KCNJ3: variants seen among roughly 807,000 people sequenced by gnomAD.
KCNJ3 encodes potassium inwardly rectifying channel subfamily J member 3, also known as G protein-activated inward rectifier potassium channel 1.
A neutral mutation model predicts 39.2 loss-of-function variants in KCNJ3; 4 were observed. The ratio of observed to expected loss-of-function variants is 0.10; its 90% CI spans 0.05 to 0.23. The LOEUF (loss-of-function observed/expected upper bound fraction) is 0.23, where lower values mean the gene tolerates loss of function less well. KCNJ3 is among the 10% of genes least tolerant of loss of function. The probability of loss-of-function intolerance (pLI) is 1.00; values close to 1 mark genes in which losing one functional copy is unlikely to be tolerated. For missense variants in KCNJ3, 276 were observed against 634.9 expected (o/e 0.43, Z 6.08); for synonymous variants, 230 against 237.4 (o/e 0.97, Z 0.29).
At chr2:154,733,731 A>G (rs573228297) in intron 2 of KCNJ3, among the ~76,000 whole-genome samples, 1 of 152,050 alleles carries the variant, frequency 6.6e-6, no homozygotes, top group South Asian at 2.1e-4. Context: ...GTGACTATTC[A>G]CCCCCATTGC....
chr2:154,747,044 GTAGCACA>G (rs1685756978), intron 2 of KCNJ3, among the ~76,000 whole-genome samples: 1 of 151,870 alleles, frequency 6.6e-6, no homozygotes, highest in Non-Finnish European at 1.5e-5. Flanking sequence ...TGTACAACAG[GTAGCACA>G]TCTCAAACTT....
chr2:154,813,781 C>T (rs916995039), intron 2 of KCNJ3, among the ~76,000 whole-genome samples: 1 of 152,162 alleles, frequency 6.6e-6, no homozygotes, highest in African/African-American at 2.4e-5. Context: ...CCTAAGGATA[C>T]AATGTTAACA....
chr2:154,709,971 G>T, intron 2 of KCNJ3, 152 bp downstream of exon 2: 2 of 916,500 alleles, frequency 2.2e-6, no homozygotes, highest in Non-Finnish European at 3.2e-6. Context: ...ACATTAAATT[G>T]ATACCATTTT....
Position 154,855,422 on chromosome 2 carries a change from C to A in KCNJ3, c.*109C>A. ...CTGAAAGTATATTTTCCTCCCAGTT[C>A]TACAAGCATATTTGAGAACCCTTCC... On this transcript the variant is annotated 3_prime_UTR_variant, in exon 3 of 3. Coordinates refer to ENST00000295101, the MANE Select transcript of KCNJ3 (RefSeq NM_002239.4). 1 of 771,048 alleles carries A rather than the reference C, an allele frequency of 1.3e-6. No individual in the cohort carries two copies. The highest frequency in any genetic ancestry group is 2.7e-5 in the East Asian group (1 of 37,026). 47.8% of individuals were successfully genotyped at this position (771,048 alleles called of 1,614,324 possible).
intron 2 of KCNJ3, among the ~76,000 whole-genome samples, chr2:154,770,892 C>CTTTTTTCTTTTTCT (rs1686229634): frequency 7.8e-6 from 1 of 127,686 alleles, no homozygotes; most frequent in African/African-American, 2.9e-5. Context: ...TTTTCTTTTT[C>CTTTTTTCTTTTTCT]TTTTTTTTTT....
chr2:154,710,461 C>G (rs1454586073), intron 2 of KCNJ3, among the ~76,000 whole-genome samples: 4 of 152,050 alleles, frequency 2.6e-5, no homozygotes, highest in African/African-American at 4.8e-5. Context: ...TTGGTATGCC[C>G]CAAATACTAT....
At chr2:154,723,457 T>C (rs1202642008) in intron 2 of KCNJ3, among the ~76,000 whole-genome samples, 1 of 152,132 alleles carries the variant, frequency 6.6e-6, no homozygotes, top group Non-Finnish European at 1.5e-5. Flanking sequence ...ACTTTCACTT[T>C]ATGAGGCAAA....
intron 2 of KCNJ3, among the ~76,000 whole-genome samples, chr2:154,751,898 T>C (rs1685851134): frequency 6.6e-6 from 1 of 152,006 alleles, no homozygotes; most frequent in Non-Finnish European, 1.5e-5. Flanking sequence ...ACAGTCATAT[T>C]GGATTAGGGC....
intron 2 of KCNJ3, among the ~76,000 whole-genome samples, chr2:154,736,943 G>A (rs1025154700): frequency 6.6e-6 from 1 of 152,184 alleles, no homozygotes; most frequent in Non-Finnish European, 1.5e-5. Context: ...AGGAGAACTT[G>A]GAATCTGGAG....
rs368972491 is a variant in KCNJ3 at position 154,821,861 on chromosome 2, G to A, written c.920-32866G>A. Among the ~76,000 whole-genome samples the A allele has an allele frequency of 5.3e-5, 8 of 151,652 alleles. No individual in the cohort carries two copies. The East Asian group carries it at 7.8e-4, about 15-fold the overall frequency. ...TCACTATGTGGGCCCAGCTGGTCTC[G>A]AACTCCTGACCTCAGATAATCCATT... On this transcript the variant is annotated intron_variant, in intron 2 of 2. Coordinates refer to ENST00000295101, the MANE Select transcript of KCNJ3 (RefSeq NM_002239.4).
chr2:154,703,725 T>G (rs537010039), intron 1 of KCNJ3, among the ~76,000 whole-genome samples: 167 of 152,200 alleles, frequency 1.1e-3, no homozygotes, highest in African/African-American at 4.0e-3. Context: ...TATCTTGCAC[T>G]GAAATGTGAT....
chr2:154,714,377 T>A (rs1047794109), intron 2 of KCNJ3, among the ~76,000 whole-genome samples: 1 of 152,180 alleles, frequency 6.6e-6, no homozygotes, highest in Non-Finnish European at 1.5e-5. Context: ...ATTTTTCAAT[T>A]GTTCCATATA....
At chr2:154,721,292 C>T (rs970946480) in intron 2 of KCNJ3, among the ~76,000 whole-genome samples, 2 of 152,038 alleles carry the variant, frequency 1.3e-5, no homozygotes, top group African/African-American at 2.4e-5. Flanking sequence ...CTTTCTATGT[C>T]CCATGCTGTG....
intron 2 of KCNJ3, among the ~76,000 whole-genome samples, chr2:154,726,918 A>G (rs1685370014): frequency 1.3e-5 from 2 of 151,998 alleles, no homozygotes; most frequent in African/African-American, 4.8e-5. Context: ...AAACTCAGGA[A>G]TAGAAAACCA....
chr2:154,769,218 A>C (rs1686192802), intron 2 of KCNJ3, among the ~76,000 whole-genome samples: 2 of 152,230 alleles, frequency 1.3e-5, no homozygotes, highest in South Asian at 4.2e-4. Flanking sequence ...AACTTCCAAC[A>C]CTATGTTGAA....
chr2:154,765,160 T>C lies in KCNJ3; in HGVS notation c.919+55341T>C, dbSNP rs138109744. ...GTAGCATTCTCCAGAGCCCTAGTTA[T>C]GGCAACCAAAAGAAATTTGCCAAAT... On this transcript the variant is annotated intron_variant, in intron 2 of 2. Transcript: ENST00000295101. 1.9e-3 allele frequency among the ~76,000 whole-genome samples: 290 copies of C among 152,262 alleles called. 2 individuals are homozygous for C. Among genetic ancestry groups the C allele is most frequent in the African/African-American group, 6.6e-3 (276 of 41,576 alleles).
intron 2 of KCNJ3, among the ~76,000 whole-genome samples, chr2:154,762,217 A>G (rs925792121): frequency 1.3e-5 from 2 of 152,246 alleles, no homozygotes; most frequent in Non-Finnish European, 2.9e-5. Context: ...TTTTACAGCA[A>G]TAATAGGAAA....
intron 2 of KCNJ3, among the ~76,000 whole-genome samples, chr2:154,717,265 C>T (rs1685197378): frequency 6.6e-6 from 1 of 152,096 alleles, no homozygotes; most frequent in Non-Finnish European, 1.5e-5. Context: ...GGGGAACTGA[C>T]TGGAGATGAG....
At chr2:154,767,831 C>T (rs1444938572) in intron 2 of KCNJ3, among the ~76,000 whole-genome samples, 1 of 152,232 alleles carries the variant, frequency 6.6e-6, no homozygotes, top group Non-Finnish European at 1.5e-5. Flanking sequence ...TATTTCTCCA[C>T]ATCCTCTCTA....
Sources: allele counts gnomAD v4.1 joint callset (sites outside exome capture counted in the v4.1 genomes callset), GRCh38; gene constraint gnomAD v4.1.1; transcripts MANE v1.5; gene names NCBI Gene and HGNC (gene_info 2026-07-23, HGNC 2026-07-21).